Variants in UST observed in about 807,000 individuals in gnomAD.
The protein encoded by UST is uronyl 2-sulfotransferase.
A neutral mutation model predicts 45.6 loss-of-function variants in UST; 21 were observed. That is an observed-to-expected ratio of 0.46 (90% confidence interval 0.33 to 0.66). UST has a LOEUF of 0.66. Ranked by LOEUF, UST falls within the 30% of genes least tolerant of loss-of-function variation. The pLI, the probability that UST is intolerant of heterozygous loss-of-function variation, is 0.02. For synonymous variants in UST, 215 were observed against 200.6 expected (o/e 1.07, Z -0.61); for missense variants, 463 against 512.4 (o/e 0.90, Z 0.93).
At chr6:148,838,302 G>C (rs1372972587) in intron 1 of UST, among the ~76,000 whole-genome samples, 1 of 152,186 alleles carries the variant, frequency 6.6e-6, no homozygotes, top group East Asian at 1.9e-4. Flanking sequence ...AGGCCAGCGT[G>C]TGCAGGTGAT....
chr6:149,009,270 AAGAC>A (rs1235529882), intron 5 of UST, among the ~76,000 whole-genome samples: 2 of 152,204 alleles, frequency 1.3e-5, no homozygotes, highest in Non-Finnish European at 2.9e-5. Flanking sequence ...GAAGAGCAAA[AAGAC>A]AGAGTAAGAA....
At chr6:149,003,063 G>T (rs1781583241) in intron 5 of UST, among the ~76,000 whole-genome samples, 1 of 152,090 alleles carries the variant, frequency 6.6e-6, no homozygotes, top group African/African-American at 2.4e-5. Context: ...ATTCCAGTTT[G>T]AATTGTTGAA....
chr6:148,946,036 A>G (rs1371405001), intron 3 of UST, among the ~76,000 whole-genome samples: 1 of 152,188 alleles, frequency 6.6e-6, no homozygotes, highest in Non-Finnish European at 1.5e-5. Flanking sequence ...TTTCCTTACA[A>G]TATTTTAAAT....
At chr6:148,809,188 A>T (rs1381729456) in intron 1 of UST, among the ~76,000 whole-genome samples, 1 of 152,176 alleles carries the variant, frequency 6.6e-6, no homozygotes. Context: ...CTGTCCTCAG[A>T]GTTTCTCAGG....
chr6:148,835,724 A>C (rs1777774242), intron 1 of UST, among the ~76,000 whole-genome samples: 1 of 152,288 alleles, frequency 6.6e-6, no homozygotes. Context: ...AGTGTTTTCC[A>C]AGATGAGGCC....
chr6:149,073,684 G>T, intron 7 of UST, 149 bp from the exon 8 acceptor site: 1 of 896,280 alleles, frequency 1.1e-6, no homozygotes, highest in South Asian at 1.9e-5. Context: ...TCCAAATATT[G>T]TCAGGAACCC....
intron 5 of UST, 85 bp downstream of exon 5, chr6:148,964,648 C>T (rs1780744090): frequency 1.3e-6 from 2 of 1,543,818 alleles, no homozygotes; most frequent in South Asian, 1.2e-5. Flanking sequence ...CTTCCCTTCC[C>T]AGGCCTTCTC....
intron 2 of UST, among the ~76,000 whole-genome samples, chr6:148,914,189 T>C (rs1341460346): frequency 1.3e-5 from 2 of 152,220 alleles, no homozygotes; most frequent in Admixed American, 6.5e-5. Flanking sequence ...CATTAGGAGA[T>C]ACATAAGGTT....
intron 1 of UST, among the ~76,000 whole-genome samples, chr6:148,809,670 C>T (rs1777218352): frequency 6.6e-6 from 1 of 152,158 alleles, no homozygotes; most frequent in African/African-American, 2.4e-5. Flanking sequence ...CCTACGTTTT[C>T]AGATTATCTC....
intron 5 of UST, among the ~76,000 whole-genome samples, chr6:149,000,084 T>A (rs1781518514): frequency 6.6e-6 from 1 of 152,130 alleles, no homozygotes; most frequent in African/African-American, 2.4e-5. Context: ...TCAAGGAGAC[T>A]AGAAGTGTCC....
intron 1 of UST, among the ~76,000 whole-genome samples, chr6:148,833,307 G>A (rs1000852209): frequency 5.3e-5 from 8 of 152,146 alleles, no homozygotes. Context: ...GGGCAACACG[G>A]CGAAATCTGT....
chr6:148,865,624 C>T (rs1361523259), intron 1 of UST, among the ~76,000 whole-genome samples: 1 of 151,294 alleles, frequency 6.6e-6, no homozygotes, highest in African/African-American at 2.4e-5. Flanking sequence ...ATGTCATTAG[C>T]ATCCAGGTCC....
chr6:148,878,126 G>A (rs111339460), intron 1 of UST, among the ~76,000 whole-genome samples: 5 of 110,076 alleles, frequency 4.5e-5, no homozygotes, highest in Admixed American at 9.1e-5. Context: ...TACGAGTGTG[G>A]GGGATCATGT....
intron 1 of UST, among the ~76,000 whole-genome samples, chr6:148,835,190 A>G (rs970907971): frequency 1.3e-5 from 2 of 152,200 alleles, no homozygotes; most frequent in Non-Finnish European, 2.9e-5. Context: ...AAATTACAGT[A>G]TAACTATTAA....
intron 1 of UST, among the ~76,000 whole-genome samples, chr6:148,839,944 C>T (rs917602788): frequency 6.6e-6 from 1 of 152,030 alleles, no homozygotes; most frequent in Non-Finnish European, 1.5e-5. Context: ...AAATTTAGAG[C>T]TTTTTTCATA....
chr6:148,985,537 T>A (rs984811114), intron 5 of UST, among the ~76,000 whole-genome samples: 12 of 152,144 alleles, frequency 7.9e-5, no homozygotes, highest in Middle Eastern at 3.2e-3. Flanking sequence ...AAAATGAGAA[T>A]AGAAAACGTA....
chr6:148,803,674 T>G (rs1031334851), intron 1 of UST, among the ~76,000 whole-genome samples: 4 of 152,128 alleles, frequency 2.6e-5, no homozygotes, highest in Non-Finnish European at 5.9e-5. Context: ...TCTCCCACAC[T>G]GCCCCCAAAC....
At chr6:148,974,912 C>G (rs74601490) in intron 5 of UST, among the ~76,000 whole-genome samples, 19 of 152,282 alleles carry the variant, frequency 1.2e-4, no homozygotes, top group South Asian at 2.1e-4. Flanking sequence ...ACTGCTGTCC[C>G]GTTACCCTCT....
rs529598180 is a variant in UST at position 148,758,388 on chromosome 6, A to G, written c.247+10711A>G. 1.1e-4 allele frequency among the ~76,000 whole-genome samples: 17 copies of G among 152,242 alleles called. No individual in the cohort carries two copies. The South Asian group carries it at 3.5e-3, about 32-fold the overall frequency. ...TTTCCTCTGTTTTGAATTTATCCAC[A>G]CTACTTTTTTTGTTCCTGCATTCAC... On this transcript the variant is annotated intron_variant, in intron 1 of 7. Transcript: ENST00000367463.
Sources: gnomAD v4.1 joint callset for allele counts (sites outside exome capture counted in the v4.1 genomes callset) on GRCh38, gnomAD v4.1.1 for gene constraint, MANE v1.5 for transcripts, NCBI Gene and HGNC (gene_info 2026-07-23, HGNC 2026-07-21) for gene names.